The following TBXAS1 variants were observed in gnomAD, a reference collection of about 807,000 sequenced individuals.
The protein encoded by TBXAS1 is thromboxane A synthase 1, also known as thromboxane-A synthase.
A neutral mutation model predicts 60.7 loss-of-function variants in TBXAS1; 48 were observed. The ratio of observed to expected loss-of-function variants is 0.79; its 90% CI spans 0.63 to 1.01. TBXAS1 has a LOEUF of 1.01. TBXAS1 is among the 50% of genes least tolerant of loss of function. The pLI is 0.00. For missense variants in TBXAS1, 685 were observed against 686.3 expected (o/e 1.00, Z 0.02); for synonymous variants, 287 against 269.7 (o/e 1.06, Z -0.63).
chr7:139,944,208 G>A (rs1219335590), intron 5 of TBXAS1, among the ~76,000 whole-genome samples: 1 of 152,188 alleles, frequency 6.6e-6, no homozygotes, highest in African/African-American at 2.4e-5. Flanking sequence ...CACCGGAATT[G>A]AGCTCTGAAG....
At chr7:139,801,772 A>G (rs141133415) in intron 4 of TBXAS1, among the ~76,000 whole-genome samples, 2 of 150,954 alleles carry the variant, frequency 1.3e-5, no homozygotes, top group African/African-American at 4.9e-5. Flanking sequence ...TGTCATTATT[A>G]TTATTATTTG....
chr7:139,927,403 A>G (rs1806976824), intron 4 of TBXAS1, among the ~76,000 whole-genome samples: 1 of 152,230 alleles, frequency 6.6e-6, no homozygotes, highest in Non-Finnish European at 1.5e-5. Context: ...ACAAACAAAA[A>G]TAAAACTAAT....
intron 4 of TBXAS1, among the ~76,000 whole-genome samples, chr7:139,928,160 CCTT>C (rs1807038139): frequency 6.6e-6 from 1 of 152,068 alleles, no homozygotes; most frequent in East Asian, 1.9e-4. Context: ...AAGGAAGTCT[CCTT>C]ATATTGATAG....
intron 5 of TBXAS1, among the ~76,000 whole-genome samples, chr7:139,948,729 G>A (rs927644738): frequency 1.7e-4 from 26 of 152,142 alleles, no homozygotes; most frequent in African/African-American, 5.3e-4. Flanking sequence ...CACATGCCAC[G>A]TTTGCCTGCT....
intron 4 of TBXAS1, among the ~76,000 whole-genome samples, chr7:139,805,420 C>T (rs1797822429): frequency 6.6e-6 from 1 of 152,224 alleles, no homozygotes; most frequent in Non-Finnish European, 1.5e-5. Context: ...AGTGCCACAG[C>T]CCCCAAGGTA....
At chr7:139,911,354 G>A (rs753847296) in intron 4 of TBXAS1, 33 bp downstream of exon 4, 3 of 1,570,660 alleles carry the variant, frequency 1.9e-6, no homozygotes, top group Non-Finnish European at 1.8e-6. Context: ...ATAGATGGAT[G>A]GGGAATTGTT....
intron 3 of TBXAS1, among the ~76,000 whole-genome samples, chr7:139,904,614 G>A (rs561385174): frequency 7.2e-5 from 11 of 152,228 alleles, no homozygotes; most frequent in African/African-American, 2.6e-4. Flanking sequence ...TTTCATCTAT[G>A]ATTTCTTTCA....
intron 3 of TBXAS1, among the ~76,000 whole-genome samples, chr7:139,783,131 C>T (rs1299497682): frequency 1.3e-5 from 2 of 152,094 alleles, no homozygotes; most frequent in African/African-American, 2.4e-5. Context: ...AGAGCTGTGG[C>T]TTTAAGGGCA....
At chr7:139,907,826 TTAG>T (rs1250493036) in intron 3 of TBXAS1, among the ~76,000 whole-genome samples, 2 of 152,102 alleles carry the variant, frequency 1.3e-5, no homozygotes, top group Non-Finnish European at 2.9e-5. Flanking sequence ...ATTAAAATTA[TTAG>T]TAGTTTTGTG....
At chr7:139,966,835 C>T (rs914897182) in intron 9 of TBXAS1, among the ~76,000 whole-genome samples, 1 of 152,192 alleles carries the variant, frequency 6.6e-6, no homozygotes. Context: ...TGCCGCCCTG[C>T]GGGAGGAGAG....
chr7:139,984,568 G>A (rs1812199270), intron 9 of TBXAS1, among the ~76,000 whole-genome samples: 2 of 145,156 alleles, frequency 1.4e-5, no homozygotes, highest in South Asian at 2.2e-4. Flanking sequence ...CATTTCCCCA[G>A]GACACTATTT....
At chr7:139,836,974 C>A (rs566572151) in intron 1 of TBXAS1, among the ~76,000 whole-genome samples, 3 of 152,168 alleles carry the variant, frequency 2.0e-5, no homozygotes, top group African/African-American at 7.2e-5. Flanking sequence ...AAGAAAAAAA[C>A]AATCCCATCA....
intron 3 of TBXAS1, chr7:139,875,952 G>A: frequency 2.3e-6 from 1 of 426,368 alleles, no homozygotes; most frequent in Non-Finnish European, 4.4e-6. Context: ...GGGATGTGGT[G>A]GCCTCTTTGC....
chr7:139,914,725 C>T (rs756773654), intron 4 of TBXAS1, among the ~76,000 whole-genome samples: 84 of 152,276 alleles, frequency 5.5e-4, no homozygotes, highest in Non-Finnish European at 1.0e-3. Flanking sequence ...ACTCTGGCAG[C>T]GCTCACCATG....
At chr7:139,860,175 C>T (rs1203221661) in intron 1 of TBXAS1, among the ~76,000 whole-genome samples, 1 of 152,110 alleles carries the variant, frequency 6.6e-6, no homozygotes, top group Admixed American at 6.6e-5. Flanking sequence ...GTATTCTTGG[C>T]TGTTTCAGTG....
chr7:139,950,305 G>A (rs1244264206), intron 5 of TBXAS1, among the ~76,000 whole-genome samples: 1 of 152,040 alleles, frequency 6.6e-6, no homozygotes, highest in East Asian at 1.9e-4. Context: ...GAAAGTGCTG[G>A]GATTATAGAC....
At position 139,957,704 on chromosome 7, in the gene TBXAS1, C is replaced by T; in HGVS notation, c.759C>T (p.Gly253=). 1 of 1,614,068 alleles carries T rather than the reference C, an allele frequency of 6.2e-7. No individual in the cohort carries two copies. The highest frequency in any genetic ancestry group is 1.1e-5 in the South Asian group (1 of 91,058). ...LPNKNRDELN[G]FFNKLIRNVI... ...ATAAGAACCGAGACGAACTGAATGG[C>T]TTTTTTAACAAACTCATTAGGAATG... Residue 253 remains glycine, a synonymous_variant, in exon 8 of 13, where the codon GGC becomes GGT. Coordinates refer to ENST00000448866, the MANE Select transcript of TBXAS1 (RefSeq NM_001061.7).
upstream of TBXAS1, chr7:139,829,070 T>A (rs1798535968): frequency 2.3e-6 from 1 of 428,408 alleles, no homozygotes; most frequent in African/African-American, 2.0e-5. Flanking sequence ...GTTACAACCA[T>A]TTTGTTTCTC....
chr7:139,965,971 C>T (rs1217468631), intron 9 of TBXAS1, among the ~76,000 whole-genome samples: 2 of 151,206 alleles, frequency 1.3e-5, no homozygotes, highest in Non-Finnish European at 2.9e-5. Flanking sequence ...GATGTTCACA[C>T]ATTAGATATT....
Sources: allele counts gnomAD v4.1 joint callset (sites outside exome capture counted in the v4.1 genomes callset), GRCh38; gene constraint gnomAD v4.1.1; transcripts MANE v1.5; gene names NCBI Gene and HGNC (gene_info 2026-07-23, HGNC 2026-07-21).